The following PLA2R1 variants were observed in gnomAD, a reference collection of about 807,000 sequenced individuals.
The protein encoded by PLA2R1 is phospholipase A2 receptor 1.
A neutral mutation model predicts 195.9 loss-of-function variants in PLA2R1; 158 were observed. The ratio of observed to expected loss-of-function variants is 0.81; its 90% CI spans 0.71 to 0.92. PLA2R1 has a LOEUF of 0.92. Ranked by LOEUF, PLA2R1 falls within the 40% of genes least tolerant of loss-of-function variation. The pLI is 0.00. For synonymous variants in PLA2R1, 586 were observed against 598.2 expected (o/e 0.98, Z 0.30); for missense variants, 1,626 against 1,764.6 (o/e 0.92, Z 1.41).
At chr2:159,996,905 T>C (rs1001487077) in intron 11 of PLA2R1, among the ~76,000 whole-genome samples, 3 of 152,114 alleles carry the variant, frequency 2.0e-5, no homozygotes, top group African/African-American at 7.2e-5. Context: ...CTCCACCTCT[T>C]TGCTTACAGG....
At position 160,016,703 on chromosome 2, in the gene PLA2R1, A is replaced by C; in HGVS notation, c.1462T>G (p.Trp488Gly). 2 of 1,566,630 alleles carry C rather than the reference A, an allele frequency of 1.3e-6. No individual in the cohort carries two copies. Among genetic ancestry groups the C allele is most frequent in the South Asian group, 1.1e-5 (1 of 90,088 alleles). The change falls in exon 9 of 30, where the codon TGG (tryptophan) becomes GGG (glycine). Residue 488 changes from tryptophan (W) to glycine (G), a missense_variant. Trp to Gly is a radical substitution (Grantham distance 184, BLOSUM62 -2). Transcript: ENST00000283243. ...CVSAEQSEGH[W>G]KVKNCEERLF... is the part of the protein sequence containing the mutation. ...CTTTCTTCACAATTTTTGACTTTCC[A>C]GTGTCCCTCCTACGGAGAAAAATGT...
chr2:160,062,425 G>A lies in PLA2R1; in HGVS notation c.-22C>T. ...GCATCGCTAACCACTGGGCTCTCCG[G>A]GAGCCCCTTGTCCCGGGAGCCCCTT... On this transcript the variant is annotated 5_prime_UTR_variant, in exon 1 of 30. Transcript: ENST00000283243. The A allele has an allele frequency of 6.5e-7, 1 of 1,529,302 alleles. No individual in the cohort carries two copies. Among genetic ancestry groups the A allele is most frequent in the Non-Finnish European group, 8.8e-7 (1 of 1,138,394 alleles). 94.7% of individuals were successfully genotyped at this position (1,529,302 alleles called of 1,614,324 possible).
Position 160,028,277 on chromosome 2 carries a change from T to G in PLA2R1, c.1040A>C (p.Glu347Ala), listed in dbSNP as rs1223698645. ...TTTACATATATATGGCAAGGTGGAC[T>G]CACAATCCCGACTCCTCCAGGCACT... Reference protein sequence around the residue: ...MPSAWRSRDCESTLPYICKKY... With the variant: ...MPSAWRSRDCASTLPYICKKY... The change falls in exon 6 of 30, where the codon GAG becomes GCG. Residue 347 changes from glutamate to alanine, a missense_variant. Coordinates refer to ENST00000283243, the MANE Select transcript of PLA2R1 (RefSeq NM_007366.5). 2 of 1,604,818 alleles carry G rather than the reference T, an allele frequency of 1.2e-6. No individual in the cohort carries two copies. Among genetic ancestry groups the G allele is most frequent in the Admixed American group, 3.4e-5 (2 of 59,500 alleles).
chr2:159,969,141 C>A, intron 19 of PLA2R1, 115 bp downstream of exon 19: 1 of 610,356 alleles, frequency 1.6e-6, no homozygotes, highest in Non-Finnish European at 2.9e-6. Context: ...AACACGTCAA[C>A]TGAAAAGAGA....
In PLA2R1 at chr2:160,042,042, C is replaced by T. The variant is rs759035221; in HGVS notation, c.650G>A (p.Gly217Glu). 9.3e-6 allele frequency: 15 copies of T among 1,613,434 alleles called. No homozygotes were observed. Among genetic ancestry groups the T allele is most frequent in the Middle Eastern group, 1.6e-4 (1 of 6,084 alleles). ...ATTCTTACTGGGATCAGGGCAAAAT[C>T]CCCACTTTTCATCTCTTTCATAACG... ...TSRYERDEKW[G>E]FCPDPTSAEV... Residue 217 changes from glycine to glutamate, a missense_variant, in exon 3 of 30, where the codon GGA (glycine) becomes GAA (glutamate). Coordinates refer to ENST00000283243, the MANE Select transcript of PLA2R1 (RefSeq NM_007366.5).
At chr2:159,956,648 A>C in intron 20 of PLA2R1, 21 bp from the exon 21 acceptor site, 1 of 1,344,200 alleles carries the variant, frequency 7.4e-7, no homozygotes, top group Non-Finnish European at 1.1e-6. Context: ...ATGTCAAAAC[A>C]AAACATTCAT....
At chr2:160,031,949 T>TAG (rs1693877903) in intron 4 of PLA2R1, among the ~76,000 whole-genome samples, 1 of 152,150 alleles carries the variant, frequency 6.6e-6, no homozygotes, top group Non-Finnish European at 1.5e-5. Context: ...GTATTTTTAG[T>TAG]AGAGAGAGGA....
Position 160,044,758 on chromosome 2 carries a change from T to C in PLA2R1, c.493+16A>G, listed in dbSNP as rs768145855. 5.6e-6 allele frequency: 9 copies of C among 1,596,502 alleles called. No individual in the cohort carries two copies. The highest frequency in any genetic ancestry group is 7.7e-6 in the Non-Finnish European group (9 of 1,166,870). On this transcript the variant is annotated intron_variant, in intron 2 of 29. Transcript: ENST00000283243. Reference sequence around the variant, plus strand: ...AAAAACACCATTCCCTGAGTGCTTCTTTAAATTATTTTTACCTTTGTGTAG... The same window carrying C: ...AAAAACACCATTCCCTGAGTGCTTCCTTAAATTATTTTTACCTTTGTGTAG...
chr2:160,002,491 G>A (rs1691670061), intron 11 of PLA2R1, among the ~76,000 whole-genome samples: 1 of 151,906 alleles, frequency 6.6e-6, no homozygotes, highest in African/African-American at 2.4e-5. Context: ...TGAAACCAAA[G>A]CTGTATACAA....
chr2:160,044,817 A>G lies in PLA2R1; in HGVS notation c.450T>C (p.Ser150=), dbSNP rs747566805. The part of the protein sequence containing the change: ...ASRKYIHKWI[S]YGSGGGDICE... Reference sequence around the variant, plus strand: ...AAATGTCTCCACCACCTGACCCATAAGAAATCCACTTATGAATATACTTCC... The same window carrying G: ...AAATGTCTCCACCACCTGACCCATAGGAAATCCACTTATGAATATACTTCC... Residue 150 remains serine (S), a synonymous_variant, in exon 2 of 30, where the codon TCT becomes TCC. Transcript: ENST00000283243. The G allele has an allele frequency of 1.2e-6, 2 of 1,613,700 alleles. No homozygotes were observed. Among genetic ancestry groups the G allele is most frequent in the Admixed American group, 1.7e-5 (1 of 59,996 alleles).
chr2:159,952,808 C>G (rs1328287637), intron 23 of PLA2R1, among the ~76,000 whole-genome samples: 1 of 152,080 alleles, frequency 6.6e-6, no homozygotes, highest in African/African-American at 2.4e-5. Context: ...CGGTCATACT[C>G]CCCCCAGTAA....
intron 22 of PLA2R1, 49 bp from the exon 23 acceptor site, chr2:159,955,395 T>A: frequency 8.4e-7 from 1 of 1,195,230 alleles, no homozygotes. Flanking sequence ...ATAGCATTAT[T>A]ATAACATTAA....
chr2:160,002,622 G>A (rs989278452), intron 11 of PLA2R1, among the ~76,000 whole-genome samples: 1 of 151,930 alleles, frequency 6.6e-6, no homozygotes, highest in Non-Finnish European at 1.5e-5. Flanking sequence ...TTTAAAAAAT[G>A]CGGATTCTTG....
intron 8 of PLA2R1, among the ~76,000 whole-genome samples, chr2:160,018,001 A>G (rs183140601): frequency 3.8e-4 from 58 of 152,334 alleles, no homozygotes; most frequent in African/African-American, 1.4e-3. Flanking sequence ...AGGCTCTCAT[A>G]TTCAAATTTG....
chr2:160,001,123 T>TTGCAAAGA (rs1691564868), intron 11 of PLA2R1, among the ~76,000 whole-genome samples: 1 of 152,048 alleles, frequency 6.6e-6, no homozygotes, highest in Non-Finnish European at 1.5e-5. Context: ...TCTAAACAAA[T>TTGCAAAGA]ATTCATTGCA....
At chr2:159,994,069 T>G (rs1008303025) in intron 11 of PLA2R1, among the ~76,000 whole-genome samples, 3 of 149,888 alleles carry the variant, frequency 2.0e-5, no homozygotes, top group Admixed American at 2.0e-4. Context: ...GCTGCTAATG[T>G]CACAAAAAGA....
intron 10 of PLA2R1, 54 bp from the exon 11 acceptor site, chr2:160,005,875 T>C (rs1691949486): frequency 3.1e-6 from 4 of 1,276,846 alleles, no homozygotes; most frequent in Non-Finnish European, 4.5e-6. Flanking sequence ...AATAAAAAAA[T>C]GTCATTAAAG....
At chr2:159,972,249 A>G (rs1311745459) in intron 17 of PLA2R1, among the ~76,000 whole-genome samples, 1 of 152,210 alleles carries the variant, frequency 6.6e-6, no homozygotes, top group African/African-American at 2.4e-5. Context: ...AGGAGATGCT[A>G]GAAGATACCC....
intron 18 of PLA2R1, among the ~76,000 whole-genome samples, chr2:159,969,634 CG>C (rs1421137781): frequency 2.0e-5 from 3 of 152,124 alleles, no homozygotes; most frequent in Non-Finnish European, 4.4e-5. Flanking sequence ...CTCTGCCTCA[CG>C]GGTTCAAGTG....
Sources: gnomAD v4.1 joint callset for allele counts (sites outside exome capture counted in the v4.1 genomes callset) on GRCh38, gnomAD v4.1.1 for gene constraint, MANE v1.5 for transcripts, NCBI Gene and HGNC (gene_info 2026-07-23, HGNC 2026-07-21) for gene names.